Variants in GXYLT1 observed in about 807,000 individuals in gnomAD.
The protein encoded by GXYLT1 is glucoside xylosyltransferase 1.
In GXYLT1, 29 loss-of-function variants were observed where a neutral mutation model predicts 54.0. The observed-to-expected ratio is 0.54, with a 90% confidence interval of 0.40 to 0.73. GXYLT1 has a LOEUF of 0.73. GXYLT1 is among the 30% of genes least tolerant of loss of function. The probability of loss-of-function intolerance (pLI) is 0.00; values close to 1 mark genes in which losing one functional copy is unlikely to be tolerated. For synonymous variants in GXYLT1, 176 were observed against 204.1 expected, an observed-to-expected ratio of 0.86 and a Z score of 1.17; for missense variants, 490 against 553.4, an observed-to-expected ratio of 0.89 and a Z score of 1.15.
At chr12:42,098,789 CAT>C (rs900625144) in intron 5 of GXYLT1, among the ~76,000 whole-genome samples, 6 of 62,036 alleles carry the variant, frequency 9.7e-5, no homozygotes, top group Middle Eastern at 8.6e-3. Context: ...ATATATAATA[CAT>C]GTGTGTGTAT....
intron 1 of GXYLT1, among the ~76,000 whole-genome samples, chr12:42,138,485 C>T (rs765773211): frequency 1.3e-5 from 2 of 152,114 alleles, no homozygotes; most frequent in Non-Finnish European, 2.9e-5. Context: ...CAATATACCT[C>T]CTCTACCAGC....
Position 42,144,803 on chromosome 12 carries a change from A to G in GXYLT1, c.-157T>C, listed in dbSNP as rs893242252. 6.5e-6 allele frequency: 3 copies of G among 458,572 alleles called. No homozygotes were observed. Among genetic ancestry groups the G allele is most frequent in the Non-Finnish European group, 1.1e-5 (3 of 281,498 alleles). The allele number at this position is 458,572 out of a possible 1,614,324, so 28.4% of individuals were successfully genotyped here. ...CGCTCCCTTCCTTCCCTCCCCGCCC[A>G]CCACCTAGGCGAGCGCAGTCGCGGC... On this transcript the variant is annotated 5_prime_UTR_variant, in exon 1 of 8. Transcript: ENST00000398675.
chr12:42,116,323 T>C (rs1592115793), intron 3 of GXYLT1, among the ~76,000 whole-genome samples: 1 of 152,072 alleles, frequency 6.6e-6, no homozygotes, highest in Non-Finnish European at 1.5e-5. Context: ...CAAAAGAAAC[T>C]ACCATCAGAG....
At chr12:42,108,735 T>C (rs1391610070) in intron 4 of GXYLT1, among the ~76,000 whole-genome samples, 1 of 152,152 alleles carries the variant, frequency 6.6e-6, no homozygotes, top group East Asian at 1.9e-4. Flanking sequence ...TAAACCATAT[T>C]CTTAATAAGC....
chr12:42,119,936 TACAGA>T (rs1215472646), intron 2 of GXYLT1, among the ~76,000 whole-genome samples: 1 of 152,184 alleles, frequency 6.6e-6, no homozygotes, highest in Non-Finnish European at 1.5e-5. Context: ...CCTTTCAAAC[TACAGA>T]ACACACAAAA....
At chr12:42,101,145 G>C (rs1410800340) in intron 5 of GXYLT1, among the ~76,000 whole-genome samples, 1 of 152,024 alleles carries the variant, frequency 6.6e-6, no homozygotes, top group Non-Finnish European at 1.5e-5. Context: ...GATTATCCAA[G>C]ACAACCAATG....
intron 7 of GXYLT1, among the ~76,000 whole-genome samples, chr12:42,095,470 T>G (rs936581027): frequency 2.0e-5 from 3 of 151,970 alleles, no homozygotes; most frequent in African/African-American, 7.3e-5. Context: ...CCAGAATATT[T>G]TAAATATAAA....
chr12:42,101,616 G>A (rs940272739), intron 5 of GXYLT1, among the ~76,000 whole-genome samples: 3 of 151,300 alleles, frequency 2.0e-5, no homozygotes, highest in African/African-American at 7.3e-5. Context: ...CTGTCGCCCA[G>A]GCTGGAGTGC....
At chr12:42,115,899 C>T (rs1200325357) in intron 3 of GXYLT1, among the ~76,000 whole-genome samples, 1 of 123,948 alleles carries the variant, frequency 8.1e-6, no homozygotes, top group Admixed American at 8.2e-5. Flanking sequence ...GCTACAATAA[C>T]CAAAACAGCA....
intron 3 of GXYLT1, among the ~76,000 whole-genome samples, chr12:42,113,996 C>T (rs557519948): frequency 6.7e-4 from 102 of 152,292 alleles, no homozygotes; most frequent in African/African-American, 2.3e-3. Context: ...CACTCAACTA[C>T]ATGGAAACTG....
At chr12:42,108,903 T>G in intron 4 of GXYLT1, among the ~76,000 whole-genome samples, 1 of 152,108 alleles carries the variant, frequency 6.6e-6, no homozygotes, top group Admixed American at 6.6e-5. Flanking sequence ...TATTTAAATA[T>G]CATAATGGTC....
chr12:42,088,467 T>G (rs2065310240), intron 7 of GXYLT1, among the ~76,000 whole-genome samples: 1 of 151,980 alleles, frequency 6.6e-6, no homozygotes. Context: ...ATTTGAAAAC[T>G]GCTAAATATT....
intron 2 of GXYLT1, among the ~76,000 whole-genome samples, chr12:42,127,847 A>G (rs1027061260): frequency 6.6e-5 from 10 of 152,242 alleles, no homozygotes; most frequent in African/African-American, 2.4e-4. Context: ...GAAAGGTTAG[A>G]TTATCTTTAA....
intron 1 of GXYLT1, among the ~76,000 whole-genome samples, chr12:42,138,167 T>G (rs1332642011): frequency 6.6e-6 from 1 of 152,128 alleles, no homozygotes; most frequent in African/African-American, 2.4e-5. Flanking sequence ...CTCAGGAGAC[T>G]GAGGCAGAAG....
rs950890517 is a variant in GXYLT1, at chr12:42,144,715, G to A, written c.-69C>T. The A allele has an allele frequency of 7.7e-5, 93 of 1,211,310 alleles. 1 individual carries two copies. The highest frequency in any genetic ancestry group is 1.3e-4 in the East Asian group (4 of 30,096). The allele number at this position is 1,211,310 out of a possible 1,614,324, so 75.0% of individuals were successfully genotyped here. A position where few individuals can be genotyped will look rare whatever the true frequency, so the allele number is the denominator to read the frequency against. On this transcript the variant is annotated 5_prime_UTR_variant, in exon 1 of 8. Coordinates refer to ENST00000398675, the MANE Select transcript of GXYLT1 (RefSeq NM_173601.2). ...CCCGACGAACTGGAGCGGAGGGAGG[G>A]GCACCGCGCAGCCGCGGGCGCAACA...
chr12:42,112,737 A>AGCACT (rs1565573090), intron 3 of GXYLT1, among the ~76,000 whole-genome samples: 1 of 151,550 alleles, frequency 6.6e-6, no homozygotes, highest in African/African-American at 2.5e-5. Flanking sequence ...ATCCAGCAGA[A>AGCACT]CTTCCCCAAT....
intron 3 of GXYLT1, among the ~76,000 whole-genome samples, chr12:42,110,696 G>A (rs1184456548): frequency 6.6e-6 from 1 of 152,158 alleles, no homozygotes; most frequent in African/African-American, 2.4e-5. Flanking sequence ...GACTACAGGT[G>A]CATGCCACCA....
chr12:42,089,094 T>C (rs2065314265), intron 7 of GXYLT1, among the ~76,000 whole-genome samples: 1 of 151,754 alleles, frequency 6.6e-6, no homozygotes, highest in Non-Finnish European at 1.5e-5. Context: ...TAAAAATCAA[T>C]CACACATACT....
At chr12:42,114,285 A>T (rs2065478413) in intron 3 of GXYLT1, among the ~76,000 whole-genome samples, 1 of 152,234 alleles carries the variant, frequency 6.6e-6, no homozygotes, top group East Asian at 1.9e-4. Context: ...AGATCAGAAC[A>T]GAACTGAAGG....
Sources: gnomAD v4.1 joint callset for allele counts (sites outside exome capture counted in the v4.1 genomes callset) on GRCh38, gnomAD v4.1.1 for gene constraint, MANE v1.5 for transcripts, NCBI Gene and HGNC (gene_info 2026-07-23, HGNC 2026-07-21) for gene names.